The following CDK5RAP1 variants were observed in gnomAD, a reference collection of about 807,000 sequenced individuals.
The protein encoded by CDK5RAP1 is CDK5RAP1 mitochondrial tRNA methylthiotransferase, also known as mitochondrial tRNA methylthiotransferase CDK5RAP1.
In CDK5RAP1, 62 loss-of-function variants were observed where a neutral mutation model predicts 64.5. The observed-to-expected ratio is 0.96, with a 90% CI of 0.78 to 1.19. The LOEUF is 1.19. Among genes scored for constraint, CDK5RAP1 ranks in the 50% most tolerant of loss-of-function variants. The probability of loss-of-function intolerance (pLI) is 0.00; values close to 1 mark genes in which losing one functional copy is unlikely to be tolerated. For synonymous variants in CDK5RAP1, 250 were observed against 261.9 expected (o/e 0.95, Z 0.44); for missense variants, 657 against 735.0 (o/e 0.89, Z 1.23).
At chr20:33,394,286 G>A (rs1259024885) in intron 3 of CDK5RAP1, among the ~76,000 whole-genome samples, 1 of 151,076 alleles carries the variant, frequency 6.6e-6, no homozygotes, top group Non-Finnish European at 1.5e-5. Flanking sequence ...CCTCAGCCTG[G>A]GATTACAGGT....
chr20:33,364,893 T>A (rs1293144348), intron 12 of CDK5RAP1, among the ~76,000 whole-genome samples: 7 of 149,428 alleles, frequency 4.7e-5, no homozygotes, highest in Admixed American at 6.7e-5. Flanking sequence ...TTTTTTTTGA[T>A]ACAGACTCTA....
In CDK5RAP1 at chr20:33,401,507, T is replaced by G. The variant is rs375035462; in HGVS notation, c.-100A>C. ...TCGGATCCCCTCACAGGTCCGCCGC[T>G]GCGTTCATACACAAGCGACTTCCGT... On this transcript the variant is annotated 5_prime_UTR_variant, in exon 1 of 14. Transcript: ENST00000346416. 3 of 985,198 alleles carry G rather than the reference T, an allele frequency of 3.0e-6. No homozygotes were observed. The highest frequency in any genetic ancestry group is 3.6e-6 in the Non-Finnish European group (3 of 829,938). 61.0% of individuals were successfully genotyped at this position (985,198 alleles called of 1,614,324 possible).
At chr20:33,372,621 G>C in intron 10 of CDK5RAP1, 21 bp downstream of exon 10, 3 of 1,412,362 alleles carry the variant, frequency 2.1e-6, no homozygotes, top group African/African-American at 1.5e-5. Context: ...ATGCTCAGCA[G>C]AATGAGTTTC....
At chr20:33,390,448 T>C (rs1321636098) in intron 5 of CDK5RAP1, among the ~76,000 whole-genome samples, 1 of 152,062 alleles carries the variant, frequency 6.6e-6, no homozygotes, top group Non-Finnish European at 1.5e-5. Context: ...AGAATGGTGA[T>C]TGCCAGGGGC....
At position 33,396,979 on chromosome 20, in the gene CDK5RAP1, A is replaced by G; in HGVS notation, c.86T>C (p.Met29Thr). 1 of 1,614,214 alleles carries G rather than the reference A, an allele frequency of 6.2e-7. No individual in the cohort carries two copies. Among genetic ancestry groups the G allele is most frequent in the Non-Finnish European group, 8.5e-7 (1 of 1,180,014 alleles). ...AGAGAGACTGCTGTGTGCCCTGCAC[A>G]TCCTCAGCGACAGCCAAGACACAGA... is the stretch of plus-strand genomic sequence containing the variant. The part of the protein sequence containing the change: ...LASVSWLSLR[M>T]CRAHSSLSST... Residue 29 changes from methionine (M) to threonine (T), a missense_variant, in exon 2 of 14, where the codon ATG becomes ACG. Transcript: ENST00000346416.
chr20:33,388,688 T>C (rs1339470474), intron 5 of CDK5RAP1, among the ~76,000 whole-genome samples: 2 of 151,920 alleles, frequency 1.3e-5, no homozygotes, highest in African/African-American at 2.4e-5. Context: ...AAAGCTGGAC[T>C]GTGCTGCCGC....
chr20:33,362,784 G>A (rs1431162443), intron 12 of CDK5RAP1, among the ~76,000 whole-genome samples: 2 of 151,986 alleles, frequency 1.3e-5, no homozygotes, highest in East Asian at 3.9e-4. Flanking sequence ...TAAAATAATG[G>A]GCCAAAGAGA....
chr20:33,366,924 G>A lies in CDK5RAP1; in HGVS notation c.1477C>T (p.Arg493Ter), dbSNP rs148992921. The part of the protein sequence containing the change: ...RRLEELITIF[R>*]EEATKANQTS... ...TGATTGGCTTTTGTTGCTTCTTCTC[G>A]GAAGATAGTGATGAGTTCCTCCAAA... The change falls in exon 12 of 14, where the codon CGA becomes TGA. Residue 493 changes from arginine (R) to a stop codon, truncating the protein, a stop_gained. Transcript: ENST00000346416. LOFTEE classifies it high-confidence loss of function. 2.3e-4 allele frequency: 371 copies of A among 1,613,622 alleles called. No homozygotes were observed. The highest frequency in any genetic ancestry group is 3.0e-4 in the Non-Finnish European group (350 of 1,179,950).
intron 11 of CDK5RAP1, among the ~76,000 whole-genome samples, chr20:33,368,163 C>G (rs1287748716): frequency 1.3e-5 from 2 of 152,222 alleles, no homozygotes; most frequent in East Asian, 3.9e-4. Flanking sequence ...AGTGCTTGCT[C>G]TCATCCACTA....
intron 2 of CDK5RAP1, 35 bp from the exon 3 acceptor site, chr20:33,395,151 C>G: frequency 7.9e-7 from 1 of 1,261,152 alleles, no homozygotes; most frequent in Non-Finnish European, 1.2e-6. Flanking sequence ...CCATGGTAGA[C>G]AGACAACAAG....
intron 9 of CDK5RAP1, 30 bp from the exon 10 acceptor site, chr20:33,372,727 A>G: frequency 6.9e-7 from 1 of 1,458,970 alleles, no homozygotes; most frequent in Non-Finnish European, 9.5e-7. Flanking sequence ...GAAAAGGCCT[A>G]CATAAATCCA....
chr20:33,364,637 C>T (rs973355086), intron 12 of CDK5RAP1, among the ~76,000 whole-genome samples: 8 of 152,046 alleles, frequency 5.3e-5, no homozygotes, highest in South Asian at 4.2e-4. Flanking sequence ...TACAATGGCG[C>T]GATCTCGGCT....
At chr20:33,383,124 T>C (rs1986975970) in intron 7 of CDK5RAP1, among the ~76,000 whole-genome samples, 1 of 152,050 alleles carries the variant, frequency 6.6e-6, no homozygotes, top group East Asian at 1.9e-4. Flanking sequence ...GAGGTTGCGG[T>C]GAGCCAAGAT....
chr20:33,389,728 A>G (rs1407860141), intron 5 of CDK5RAP1, among the ~76,000 whole-genome samples: 1 of 152,242 alleles, frequency 6.6e-6, no homozygotes, highest in Non-Finnish European at 1.5e-5. Context: ...CATTGAGAAC[A>G]GACCATGATG....
At position 33,366,971 on chromosome 20, in the gene CDK5RAP1, G is replaced by A. The variant is rs201859986; in HGVS notation, c.1430C>T (p.Pro477Leu). The change falls in exon 12 of 14, where the codon CCG becomes CTG. Residue 477 changes from proline (P) to leucine (L), a missense_variant. By Grantham distance (98) the Pro-to-Leu change is moderately conservative. Coordinates refer to ENST00000346416, the MANE Select transcript of CDK5RAP1 (RefSeq NM_016408.4). ...CAAACGCCTTAATTTTACCTCTTCC[G>A]GGACATCATCCTTCAGCCTATGATA... ...RAYHRLKDDVPEEVKLRRLEE... is the reference protein window; with the variant it reads ...RAYHRLKDDVLEEVKLRRLEE... The A allele has an allele frequency of 2.4e-5, 38 of 1,612,938 alleles. No homozygotes were observed. Among genetic ancestry groups the A allele is most frequent in the Middle Eastern group, 1.6e-4 (1 of 6,084 alleles).
At chr20:33,372,076 C>G (rs1306591034) in intron 10 of CDK5RAP1, among the ~76,000 whole-genome samples, 1 of 152,106 alleles carries the variant, frequency 6.6e-6, no homozygotes, top group Non-Finnish European at 1.5e-5. Flanking sequence ...AACACTGTAA[C>G]TGCTTTCTTT....
chr20:33,398,803 G>T (rs1989131674), intron 1 of CDK5RAP1, among the ~76,000 whole-genome samples: 1 of 152,128 alleles, frequency 6.6e-6, no homozygotes, highest in Admixed American at 6.6e-5. Flanking sequence ...ATGCACACCT[G>T]TAGTCCCAGC....
intron 11 of CDK5RAP1, among the ~76,000 whole-genome samples, chr20:33,369,869 C>T (rs1231584402): frequency 1.3e-5 from 2 of 152,224 alleles, no homozygotes; most frequent in African/African-American, 2.4e-5. Context: ...GGGCCTTCAA[C>T]CTCCTGCCCA....
At chr20:33,368,788 T>C (rs989808808) in intron 11 of CDK5RAP1, among the ~76,000 whole-genome samples, 12 of 151,438 alleles carry the variant, frequency 7.9e-5, no homozygotes, top group African/African-American at 2.4e-4. Context: ...GGAGAAAAAC[T>C]TGAACCCGGA....
Sources: gnomAD v4.1 joint callset for allele counts (sites outside exome capture counted in the v4.1 genomes callset) on GRCh38, gnomAD v4.1.1 for gene constraint, MANE v1.5 for transcripts, NCBI Gene and HGNC (gene_info 2026-07-23, HGNC 2026-07-21) for gene names.